The following EVL variants were observed in gnomAD, a reference collection of about 807,000 sequenced individuals.
The protein encoded by EVL is ena/VASP-like protein.
A neutral mutation model predicts 59.6 loss-of-function variants in EVL; 21 were observed. That is an observed-to-expected ratio of 0.35 (90% CI 0.25 to 0.51). The LOEUF (loss-of-function observed/expected upper bound fraction) is 0.51. Among genes scored for constraint, EVL ranks in the 20% least tolerant of loss-of-function variants. The pLI is 0.97. For synonymous variants in EVL, 198 were observed against 203.5 expected (o/e 0.97, Z 0.23); for missense variants, 462 against 546.6 (o/e 0.85, Z 1.54).
chr14:100,002,027 C>G (rs59521741), intron 1 of EVL, among the ~76,000 whole-genome samples: 8,209 of 152,184 alleles, frequency 0.054, 781 homozygotes, highest in African/African-American at 0.19. Context: ...AAATTTTGTT[C>G]ATAGGAGTAT....
At chr14:100,027,978 A>C (rs1389308215) in intron 1 of EVL, among the ~76,000 whole-genome samples, 1 of 152,162 alleles carries the variant, frequency 6.6e-6, no homozygotes, top group Admixed American at 6.5e-5. Context: ...CCCAGACTCA[A>C]TTCCTATCTG....
chr14:100,124,812 T>A (rs563238296), intron 4 of EVL, among the ~76,000 whole-genome samples: 1 of 152,170 alleles, frequency 6.6e-6, no homozygotes, highest in South Asian at 2.1e-4. Flanking sequence ...CAGGGCCCAA[T>A]CCAAGCTGTG....
At chr14:100,087,735 G>C (rs1318892243) in intron 2 of EVL, among the ~76,000 whole-genome samples, 1 of 152,118 alleles carries the variant, frequency 6.6e-6, no homozygotes, top group Non-Finnish European at 1.5e-5. Flanking sequence ...ATTCATGGAG[G>C]CAGAGGTCCA....
In EVL at chr14:100,129,502, G is replaced by A. The variant is rs1036867242; in HGVS notation, c.718-61G>A. 28 of 1,604,362 alleles carry A rather than the reference G, an allele frequency of 1.7e-5. No individual in the cohort carries two copies. In the African/African-American group the frequency reaches 2.1e-4, roughly 12 times the overall value. On this transcript the variant is annotated intron_variant, in intron 6 of 13. Coordinates refer to ENST00000392920, the MANE Select transcript of EVL (RefSeq NM_016337.3). The stretch of plus-strand genomic sequence containing the variant: ...ACAGTCCCCTGCATCCCCTCACATC[G>A]TTGCTGCTCCTGTTCTGCCATCAGC...
Position 100,128,588 on chromosome 14 carries a change from C to CCG in EVL, c.557_558insCG (p.Pro187GlyfsTer44). 9.7e-6 allele frequency: 14 copies of CCG among 1,441,702 alleles called. No individual in the cohort carries two copies. Among genetic ancestry groups the CCG allele is most frequent in the Middle Eastern group, 2.6e-4 (1 of 3,874 alleles). The allele number at this position is 1,441,702 out of a possible 1,614,324, so 89.3% of individuals were successfully genotyped here. A position where few individuals can be genotyped will look rare whatever the true frequency, so the allele number is the denominator to read the frequency against. ...CCCGTCTCATGTAGTGGGCCTCCAC[C>CCG]GCCCCCCCCACCCCCAGTCCCACCT... On this transcript the variant is annotated frameshift_variant, in exon 6 of 14. Coordinates refer to ENST00000392920, the MANE Select transcript of EVL (RefSeq NM_016337.3). LOFTEE classifies it high-confidence loss of function.
chr14:100,098,239 T>C (rs1231856323), intron 3 of EVL, among the ~76,000 whole-genome samples: 1 of 152,206 alleles, frequency 6.6e-6, no homozygotes, highest in Non-Finnish European at 1.5e-5. Flanking sequence ...GTAACTGCCC[T>C]TCAGAGCCGC....
At chr14:100,097,414 C>T (rs538270503) in intron 2 of EVL, 67 bp from the exon 3 acceptor site, 14 of 1,428,430 alleles carry the variant, frequency 9.8e-6, no homozygotes, top group South Asian at 9.3e-5. Flanking sequence ...CTTGCTCCAT[C>T]GCAGCGCCCT....
intron 1 of EVL, among the ~76,000 whole-genome samples, chr14:100,030,843 C>T (rs2061303211): frequency 6.6e-6 from 1 of 152,222 alleles, no homozygotes; most frequent in East Asian, 1.9e-4. Flanking sequence ...TGCAGTGCTT[C>T]TGTACTCAGG....
chr14:100,085,430 T>G (rs1169364078), intron 2 of EVL, among the ~76,000 whole-genome samples: 1 of 152,198 alleles, frequency 6.6e-6, no homozygotes, highest in Non-Finnish European at 1.5e-5. Context: ...AATAGTCTGA[T>G]GTGACATGGA....
At chr14:99,993,882 C>T (rs112973209) in intron 1 of EVL, among the ~76,000 whole-genome samples, 2,372 of 151,068 alleles carry the variant, frequency 0.016, 22 homozygotes, top group Middle Eastern at 0.031. Flanking sequence ...TTAGTAGAGA[C>T]GGAGTTTCAC....
At chr14:100,005,240 C>G (rs763287835) in intron 1 of EVL, among the ~76,000 whole-genome samples, 5 of 152,208 alleles carry the variant, frequency 3.3e-5, no homozygotes, top group Admixed American at 6.5e-5. Context: ...GCAGTCCTTT[C>G]TCTAAACAAA....
intron 1 of EVL, among the ~76,000 whole-genome samples, chr14:99,977,594 G>A (rs1217916143): frequency 6.6e-6 from 1 of 151,920 alleles, no homozygotes; most frequent in Non-Finnish European, 1.5e-5. Flanking sequence ...GCCACTACGC[G>A]CGGCTAATAT....
intron 1 of EVL, among the ~76,000 whole-genome samples, chr14:100,046,672 G>A (rs1303599514): frequency 6.6e-5 from 6 of 91,316 alleles, no homozygotes; most frequent in East Asian, 2.7e-4. Context: ...CCTCCCCCGC[G>A]CCGCCAAAAA....
intron 3 of EVL, among the ~76,000 whole-genome samples, chr14:100,119,491 G>C (rs1394233845): frequency 6.6e-6 from 1 of 152,206 alleles, no homozygotes; most frequent in East Asian, 1.9e-4. Flanking sequence ...GGTGGAACCA[G>C]CTGGGCAGTG....
intron 1 of EVL, among the ~76,000 whole-genome samples, chr14:99,986,314 C>CAAAAAAAAA (rs2060840149): frequency 4.5e-5 from 6 of 133,310 alleles, no homozygotes; most frequent in East Asian, 2.5e-4. Flanking sequence ...AAAAAAAAAT[C>CAAAAAAAAA]AAATGTATCC....
chr14:100,094,040 G>A (rs1273853019), intron 2 of EVL, among the ~76,000 whole-genome samples: 1 of 152,008 alleles, frequency 6.6e-6, no homozygotes, highest in Non-Finnish European at 1.5e-5. Context: ...TCTATATAGG[G>A]TTCTGTACTA....
chr14:100,143,919 T>G lies in EVL; in HGVS notation c.*181T>G. 3.1e-6 allele frequency: 2 copies of G among 643,684 alleles called. No individual in the cohort carries two copies. The highest frequency in any genetic ancestry group is 3.0e-5 in the Admixed American group (1 of 32,790). The allele number at this position is 643,684 out of a possible 1,614,324, so 39.9% of individuals were successfully genotyped here. A position where few individuals can be genotyped will look rare whatever the true frequency, so the allele number is the denominator to read the frequency against. Reference sequence around the variant, plus strand: ...AGGAAACCAAGTGCAACTCCTGGGTTTTTTTAGATTCTGCCTGACACGGAA... The same window carrying G: ...AGGAAACCAAGTGCAACTCCTGGGTGTTTTTAGATTCTGCCTGACACGGAA... On this transcript the variant is annotated 3_prime_UTR_variant, in exon 14 of 14. Transcript: ENST00000392920.
intron 1 of EVL, among the ~76,000 whole-genome samples, chr14:100,030,248 C>T (rs770666787): frequency 1.4e-4 from 22 of 151,950 alleles, no homozygotes; most frequent in Non-Finnish European, 2.2e-4. Context: ...TGTGCCACCA[C>T]GCCCGGCTAT....
intron 1 of EVL, among the ~76,000 whole-genome samples, chr14:99,976,710 A>G (rs2060772759): frequency 6.6e-6 from 1 of 152,310 alleles, no homozygotes; most frequent in African/African-American, 2.4e-5. Context: ...AGGGATTGAA[A>G]TATCTCTAAG....
Sources: gnomAD v4.1 joint callset for allele counts (sites outside exome capture counted in the v4.1 genomes callset) on GRCh38, gnomAD v4.1.1 for gene constraint, MANE v1.5 for transcripts, NCBI Gene and HGNC (gene_info 2026-07-23, HGNC 2026-07-21) for gene names.